The following A2M variants were observed in gnomAD, a reference collection of about 807,000 sequenced individuals.
A2M encodes the protein C3 and PZP-like alpha-2-macroglobulin domain-containing protein 5.
In A2M, 128 loss-of-function variants were observed where a neutral mutation model predicts 183.9. That is an observed-to-expected ratio of 0.70 (90% confidence interval 0.60 to 0.81). A2M has a LOEUF of 0.81. Ranked by LOEUF, A2M falls within the 30% of genes least tolerant of loss-of-function variation. A2M has a pLI of 0.00. For synonymous variants in A2M, 592 were observed against 670.8 expected (o/e 0.88, Z 1.81); for missense variants, 1,495 against 1,787.6 (o/e 0.84, Z 2.95).
At chr12:9,081,147 G>A (rs754095942) in intron 22 of A2M, among the ~76,000 whole-genome samples, 1 of 152,180 alleles carries the variant, frequency 6.6e-6, no homozygotes, top group South Asian at 2.1e-4. Context: ...TAAAGAATTA[G>A]TGTCATACAA....
chr12:9,079,822 A>G lies in A2M; in HGVS notation c.2855-7T>C. On this transcript the variant is annotated splice_polypyrimidine_tract_variant and splice_region_variant and intron_variant, in intron 23 of 35. Transcript: ENST00000318602. ...GCAGAGCCTAATATGTCTCCTAGAGAATGGGAGAGATGGGAAGTCATAAAG... is the reference window on the plus strand; with the variant it reads ...GCAGAGCCTAATATGTCTCCTAGAGGATGGGAGAGATGGGAAGTCATAAAG... 6.3e-7 allele frequency: 1 copy of G among 1,579,462 alleles called. No individual in the cohort carries two copies. Among genetic ancestry groups the G allele is most frequent in the Non-Finnish European group, 8.6e-7 (1 of 1,163,804 alleles).
At chr12:9,086,235 A>G (rs1949048821) in intron 22 of A2M, among the ~76,000 whole-genome samples, 1 of 152,210 alleles carries the variant, frequency 6.6e-6, no homozygotes, top group Non-Finnish European at 1.5e-5. Flanking sequence ...AGATGCAAAA[A>G]TCCTCAATAA....
chr12:9,082,503 A>G (rs1371237142), intron 22 of A2M, among the ~76,000 whole-genome samples: 1 of 152,258 alleles, frequency 6.6e-6, no homozygotes, highest in African/African-American at 2.4e-5. Context: ...TGCCTGCTCA[A>G]GGTTGTCACC....
intron 29 of A2M, 135 bp downstream of exon 29, chr12:9,074,425 T>C (rs1293129149): frequency 2.4e-6 from 2 of 849,762 alleles, no homozygotes; most frequent in Non-Finnish European, 3.6e-6. Context: ...TCCATTATCC[T>C]TGGATACTGA....
At position 9,091,347 on chromosome 12, in the gene A2M, C is replaced by A. The variant is rs758029600; in HGVS notation, c.2323G>T (p.Asp775Tyr). Residue 775 changes from aspartate (D) to tyrosine (Y), a missense_variant, in exon 19 of 36, where the codon GAT becomes TAT. By Grantham distance (160) the Asp-to-Tyr change is radical. Coordinates refer to ENST00000318602, the MANE Select transcript of A2M (RefSeq NM_000014.6). ...WKAGAFCLSE[D>Y]AGLGISSTAS... ...GTGGAAGAGATACCAAGTCCAGCAT[C>A]TTCAGACAGGCAGAAGGCCCCTGCC... is the stretch of plus-strand genomic sequence containing the variant. 25 of 1,614,208 alleles carry A rather than the reference C, an allele frequency of 1.5e-5. No homozygotes were observed. The highest frequency in any genetic ancestry group is 2.1e-5 in the Non-Finnish European group (25 of 1,180,038).
At chr12:9,070,205 G>A (rs184060058) in intron 32 of A2M, among the ~76,000 whole-genome samples, 10 of 151,878 alleles carry the variant, frequency 6.6e-5, no homozygotes, top group Admixed American at 5.2e-4. Context: ...TCACTGGTTC[G>A]TGTTCATATC....
At chr12:9,088,891 A>T (rs1949125102) in intron 22 of A2M, among the ~76,000 whole-genome samples, 1 of 152,184 alleles carries the variant, frequency 6.6e-6, no homozygotes, top group Admixed American at 6.5e-5. Flanking sequence ...TATTTAAGGA[A>T]ACATCCCTTT....
chr12:9,088,848 T>C (rs1490649645), intron 22 of A2M, among the ~76,000 whole-genome samples: 3 of 152,212 alleles, frequency 2.0e-5, no homozygotes, highest in Non-Finnish European at 2.9e-5. Context: ...TAGAATGCCC[T>C]AAATTCAGCC....
chr12:9,096,218 C>A (rs1949377012), intron 15 of A2M, among the ~76,000 whole-genome samples: 1 of 152,116 alleles, frequency 6.6e-6, no homozygotes, highest in Non-Finnish European at 1.5e-5. Flanking sequence ...TAGGAAAAAC[C>A]AAACACTCCA....
intron 7 of A2M, among the ~76,000 whole-genome samples, chr12:9,108,099 GTTTATTTTAT>G (rs150597149): frequency 0.11 from 16,082 of 148,260 alleles, 1,008 homozygotes; most frequent in Non-Finnish European, 0.15. Flanking sequence ...AGTTTCACTT[GTTTATTTTAT>G]TTTATTTTAT....
intron 6 of A2M, among the ~76,000 whole-genome samples, chr12:9,109,624 T>C (rs984932300): frequency 3.3e-5 from 5 of 152,230 alleles, no homozygotes; most frequent in African/African-American, 1.2e-4. Context: ...GAAAACTCCA[T>C]TAAAACAAGA....
rs669 is a variant in A2M at position 9,079,672 on chromosome 12, T to C, written c.2998A>G (p.Ile1000Val). ...AGATAGCCAATGGCCTTGGACTTGA[T>C]CTCTGGAGTAAGCTGCTGTGTTTCA... ...LNETQQLTPE[I>V]KSKAIGYLNT... Residue 1000 changes from isoleucine to valine, a missense_variant, in exon 24 of 36, where the codon ATC becomes GTC. By Grantham distance (29) the Ile-to-Val change is conservative. Coordinates refer to ENST00000318602, the MANE Select transcript of A2M (RefSeq NM_000014.6). 529,148 of 1,612,050 alleles carry C rather than the reference T, an allele frequency of 0.33. 90,577 individuals carry two copies. Among genetic ancestry groups the C allele is most frequent in the Admixed American group, 0.38 (22,580 of 59,872 alleles).
intron 15 of A2M, 129 bp downstream of exon 15, chr12:9,098,478 G>C (rs1592373837): frequency 2.1e-6 from 2 of 955,000 alleles, no homozygotes; most frequent in East Asian, 5.8e-5. Context: ...GCCCACAAGA[G>C]AGCTCAAAGC....
rs1310014072 is a variant in A2M at position 9,077,810 on chromosome 12, A to G, written c.3167T>C (p.Ile1056Thr). 1 of 1,614,194 alleles carries G rather than the reference A, an allele frequency of 6.2e-7. No homozygotes were observed. ...LKTFAQARAYIFIDEAHITQA... is the reference protein window; with the variant it reads ...LKTFAQARAYTFIDEAHITQA... ...GGTAATGTGTGCTTCATCGATGAAG[A>G]TGTAGGCTCGAGCTTGGGCAAAAGT... is the stretch of plus-strand genomic sequence containing the variant. The change falls in exon 26 of 36, where the codon ATC (isoleucine) becomes ACC (threonine). Residue 1056 changes from isoleucine (I) to threonine (T), a missense_variant. Transcript: ENST00000318602.
rs759202644 is a variant in A2M, at chr12:9,090,476, C to T, written c.2476G>A (p.Val826Met). ...AAGGCGGGAGAGGCTTCCAGCTGCA[C>T]ACTGACCTGAAACCACACATAAGAA... ...NYLPKCIRVS[V>M]QLEASPAFLA... Residue 826 changes from valine (V) to methionine (M), a missense_variant, in exon 20 of 36, where the codon GTG (valine) becomes ATG (methionine). By Grantham distance (21) the Val-to-Met change is conservative (BLOSUM62 1). Transcript: ENST00000318602. The T allele has an allele frequency of 1.2e-6, 2 of 1,613,848 alleles. No homozygotes were observed. The highest frequency in any genetic ancestry group is 1.7e-6 in the Non-Finnish European group (2 of 1,179,820).
chr12:9,103,866 A>G (rs1210259154), intron 11 of A2M, among the ~76,000 whole-genome samples: 8 of 152,224 alleles, frequency 5.3e-5, no homozygotes, highest in Admixed American at 3.9e-4. Flanking sequence ...TAGTGCGGCT[A>G]TGAACACGGG....
upstream of A2M, chr12:9,116,083 T>A (rs897777729): frequency 7.9e-6 from 4 of 504,764 alleles, no homozygotes; most frequent in African/African-American, 7.8e-5. Flanking sequence ...CTAAATAGAA[T>A]CCCTGGAGGG....
chr12:9,079,490 G>C, intron 24 of A2M, 149 bp downstream of exon 24: 1 of 1,027,742 alleles, frequency 9.7e-7, no homozygotes, highest in South Asian at 1.6e-5. Context: ...GGAGGTTGGA[G>C]AGTGGATAGT....
chr12:9,072,926 C>T, intron 29 of A2M, 55 bp from the exon 30 acceptor site: 1 of 1,458,882 alleles, frequency 6.9e-7, no homozygotes, highest in Non-Finnish European at 9.4e-7. Context: ...GCTTTGAGGG[C>T]TGAGATATTT....
Sources: allele counts gnomAD v4.1 joint callset (sites outside exome capture counted in the v4.1 genomes callset), GRCh38; gene constraint gnomAD v4.1.1; transcripts MANE v1.5; gene names NCBI Gene and HGNC (gene_info 2026-07-23, HGNC 2026-07-21).